Variants in MAGI1 observed in about 807,000 individuals in gnomAD.
The protein encoded by MAGI1 is membrane-associated guanylate kinase, WW and PDZ domain-containing protein 1.
A neutral mutation model predicts 139.9 loss-of-function variants in MAGI1; 58 were observed. The observed-to-expected ratio is 0.41, with a 90% CI of 0.34 to 0.52. The LOEUF is 0.52. MAGI1 is among the 20% of genes least tolerant of loss of function. MAGI1 has a pLI of 0.12. For missense variants in MAGI1, 1,874 were observed against 1,901.6 expected, an observed-to-expected ratio of 0.99 and a Z score of 0.27; for synonymous variants, 812 against 737.9, an observed-to-expected ratio of 1.10 and a Z score of -1.63.
intron 1 of MAGI1, among the ~76,000 whole-genome samples, chr3:65,983,157 G>A (rs1576353196): frequency 6.6e-6 from 1 of 152,008 alleles, no homozygotes; most frequent in South Asian, 2.1e-4. Context: ...TAATGCAAGG[G>A]GTTTCTCAGA....
chr3:65,498,505 C>G (rs2076961574), intron 2 of MAGI1, among the ~76,000 whole-genome samples: 1 of 152,130 alleles, frequency 6.6e-6, no homozygotes, highest in African/African-American at 2.4e-5. Flanking sequence ...ACTTATGTCC[C>G]AAGCAAGCTG....
chr3:65,916,992 GA>G (rs1215155322), intron 1 of MAGI1, among the ~76,000 whole-genome samples: 1 of 152,058 alleles, frequency 6.6e-6, no homozygotes, highest in Non-Finnish European at 1.5e-5. Context: ...AATTTGTCTG[GA>G]CTGCCAGGTG....
intron 1 of MAGI1, among the ~76,000 whole-genome samples, chr3:65,773,312 C>G (rs531583254): frequency 6.6e-6 from 1 of 151,534 alleles, no homozygotes; most frequent in South Asian, 2.1e-4. Flanking sequence ...GCAGGAAGAT[C>G]ACTTGAGCCC....
rs181772560 is a variant in MAGI1 at position 65,442,748 on chromosome 3, T to C, written c.1136+44A>G. 1,362 of 1,412,830 alleles carry C rather than the reference T, an allele frequency of 9.6e-4. 2 individuals carry two copies. Among genetic ancestry groups the C allele is most frequent in the Non-Finnish European group, 1.3e-3 (1,270 of 1,001,532 alleles). The allele number at this position is 1,412,830 out of a possible 1,614,324, so 87.5% of individuals were successfully genotyped here. A position where few individuals can be genotyped will look rare whatever the true frequency, so the allele number is the denominator to read the frequency against. On this transcript the variant is annotated intron_variant, in intron 8 of 22. Coordinates refer to ENST00000402939, the MANE Select transcript of MAGI1 (RefSeq NM_001033057.2). The stretch of plus-strand genomic sequence containing the variant: ...TACTTAACACAAATGTACATAATTA[T>C]AGAGAGGTATAAACTAATGTGTGGA...
Position 65,530,658 on chromosome 3 carries a change from T to TATATATATACATATATATATAC in MAGI1, c.431-37028_431-37027insGTATATATATATGTATATATAT, listed in dbSNP as rs1559642194. On this transcript the variant is annotated intron_variant, in intron 2 of 22. Coordinates refer to ENST00000402939, the MANE Select transcript of MAGI1 (RefSeq NM_001033057.2). ...GTGTGTGTGTGTGTGTGTGTGTGTG[T>TATATATATACATATATATATAC]GTGTATATATATATACATATATATA... 2.4e-4 allele frequency among the ~76,000 whole-genome samples: 31 copies of TATATATATACATATATATATAC among 130,622 alleles called. 1 individual carries two copies. The Middle Eastern group carries it at 0.012, about 49-fold the overall frequency. The allele number at this position is 130,622 out of a possible 152,430, so 85.7% of individuals were successfully genotyped here.
At chr3:65,588,027 C>T (rs185149116) in intron 2 of MAGI1, among the ~76,000 whole-genome samples, 4 of 152,278 alleles carry the variant, frequency 2.6e-5, no homozygotes, top group Non-Finnish European at 5.9e-5. Context: ...AGCCTATTCT[C>T]CGGCTTTCCT....
In MAGI1 at chr3:65,375,831, G is replaced by C. The variant is rs376161036; in HGVS notation, c.3110C>G (p.Ser1037Cys). The change falls in exon 18 of 23, where the codon TCC becomes TGC. Residue 1037 changes from serine to cysteine, a missense_variant. Ser to Cys is a moderately radical substitution (Grantham distance 112). Coordinates refer to ENST00000402939, the MANE Select transcript of MAGI1 (RefSeq NM_001033057.2). ...GTCTGAATGGGATTTGTTGGTGATGGAACATCCATTTACTGCCAAGATCCG... is the reference window on the plus strand; with the variant it reads ...GTCTGAATGGGATTTGTTGGTGATGCAACATCCATTTACTGCCAAGATCCG... ...GDRILAVNGC[S>C]ITNKSHSDIV... 1.7e-5 allele frequency: 27 copies of C among 1,614,030 alleles called. No individual in the cohort carries two copies. The highest frequency in any genetic ancestry group is 2.3e-5 in the Non-Finnish European group (27 of 1,179,976).
At chr3:65,864,303 G>A (rs1049776726) in intron 1 of MAGI1, among the ~76,000 whole-genome samples, 2 of 152,182 alleles carry the variant, frequency 1.3e-5, no homozygotes, top group Admixed American at 6.5e-5. Flanking sequence ...TTCTAGCCAA[G>A]GTTGAAAGGA....
At chr3:65,950,078 C>CAAAAAAAAAAAAAAAAAAAAAAAAA (rs751496271) in intron 1 of MAGI1, among the ~76,000 whole-genome samples, 2 of 40,342 alleles carry the variant, frequency 5.0e-5, no homozygotes, top group African/African-American at 1.6e-4. Flanking sequence ...AAAAAAAAAA[C>CAAAAAAAAAAAAAAAAAAAAAAAAA]AAAAAAAAAA....
In MAGI1 at chr3:65,662,560, G is replaced by T. The variant is rs540058182; in HGVS notation, c.314-40472C>A. On this transcript the variant is annotated intron_variant, in intron 1 of 22. Coordinates refer to ENST00000402939, the MANE Select transcript of MAGI1 (RefSeq NM_001033057.2). Reference sequence around the variant, plus strand: ...AGAGGTCAGTATGACAGATATGTTTGTTTGTTTGTATGTTCTAATGATGTT... The same window carrying T: ...AGAGGTCAGTATGACAGATATGTTTTTTTGTTTGTATGTTCTAATGATGTT... Among the ~76,000 whole-genome samples, 6 of 152,236 alleles carry T rather than the reference G, an allele frequency of 3.9e-5. No individual in the cohort carries two copies. In the South Asian group the frequency reaches 1.0e-3, roughly 26 times the overall value.
chr3:65,930,696 C>T (rs1443610271), intron 1 of MAGI1, among the ~76,000 whole-genome samples: 2 of 152,102 alleles, frequency 1.3e-5, no homozygotes, highest in African/African-American at 4.8e-5. Flanking sequence ...GTAAAGAAGC[C>T]AGCCAAAACC....
At chr3:65,424,411 A>G (rs1035854728) in intron 12 of MAGI1, among the ~76,000 whole-genome samples, 5 of 152,194 alleles carry the variant, frequency 3.3e-5, no homozygotes, top group African/African-American at 1.2e-4. Context: ...ACACAAGAGT[A>G]AGAGTCAAAC....
intron 1 of MAGI1, among the ~76,000 whole-genome samples, chr3:65,704,431 G>T (rs2107623191): frequency 6.6e-6 from 1 of 152,274 alleles, no homozygotes; most frequent in South Asian, 2.1e-4. Flanking sequence ...GGCTGTCCTA[G>T]ATTGCCTCCT....
chr3:65,843,188 A>T (rs934328856), intron 1 of MAGI1, among the ~76,000 whole-genome samples: 2 of 152,198 alleles, frequency 1.3e-5, no homozygotes, highest in African/African-American at 2.4e-5. Flanking sequence ...CTTCTGTCTT[A>T]GGTGATCTCT....
At chr3:65,725,884 T>C (rs1049710506) in intron 1 of MAGI1, among the ~76,000 whole-genome samples, 2 of 152,114 alleles carry the variant, frequency 1.3e-5, no homozygotes, top group African/African-American at 4.8e-5. Flanking sequence ...AGGTTGGAAC[T>C]CAAATTCTGA....
chr3:65,665,870 A>G (rs1233979853), intron 1 of MAGI1, among the ~76,000 whole-genome samples: 1 of 152,162 alleles, frequency 6.6e-6, no homozygotes, highest in Non-Finnish European at 1.5e-5. Flanking sequence ...CAAAACCAAC[A>G]AAAATCTTTA....
chr3:65,545,424 G>C (rs1245465677), intron 2 of MAGI1, among the ~76,000 whole-genome samples: 1 of 152,128 alleles, frequency 6.6e-6, no homozygotes, highest in Non-Finnish European at 1.5e-5. Context: ...ATTCTCATGG[G>C]TCATTTCTCA....
chr3:65,832,006 A>G (rs2042557920), intron 1 of MAGI1, among the ~76,000 whole-genome samples: 1 of 152,178 alleles, frequency 6.6e-6, no homozygotes, highest in Non-Finnish European at 1.5e-5. Context: ...GAGACCTTAC[A>G]TTACCATTTA....
chr3:65,407,193 T>C (rs1945406911), intron 12 of MAGI1, among the ~76,000 whole-genome samples: 1 of 152,130 alleles, frequency 6.6e-6, no homozygotes, highest in African/African-American at 2.4e-5. Context: ...ATTCCTGTAA[T>C]CCCAGCACTT....
Sources: gnomAD v4.1 joint callset for allele counts (sites outside exome capture counted in the v4.1 genomes callset) on GRCh38, gnomAD v4.1.1 for gene constraint, MANE v1.5 for transcripts, NCBI Gene and HGNC (gene_info 2026-07-23, HGNC 2026-07-21) for gene names.